The following CTIF variants were observed in gnomAD, a reference collection of about 807,000 sequenced individuals.
The protein encoded by CTIF is cap binding complex dependent translation initiation factor, also known as CBP80/20-dependent translation initiation factor.
Under a neutral mutation model 66.0 loss-of-function variants are expected in CTIF, and 21 were observed. That is an observed-to-expected ratio of 0.32 (90% CI 0.23 to 0.46). The LOEUF is 0.46. Among genes scored for constraint, CTIF ranks in the 20% least tolerant of loss-of-function variants. CTIF has a pLI of 1.00. For missense variants in CTIF, 739 were observed against 812.7 expected (o/e 0.91, Z 1.10); for synonymous variants, 345 against 326.4 (o/e 1.06, Z -0.62).
chr18:48,834,365 AT>A lies in CTIF; in HGVS notation c.1527+16996del, dbSNP rs565130413. On this transcript the variant is annotated intron_variant, in intron 10 of 11. Transcript: ENST00000256413. ...TGTATATGTCACAAAATATTCTTTG[AT>A]TTTTTTCCCCAACTACTGAAAAATG... is the stretch of plus-strand genomic sequence containing the variant. Among the ~76,000 whole-genome samples the A allele has an allele frequency of 9.9e-5, 15 of 152,250 alleles. No individual in the cohort carries two copies. The Middle Eastern group carries it at 0.017, about 173-fold the overall frequency.
chr18:48,813,124 C>T (rs1229405995), intron 9 of CTIF, among the ~76,000 whole-genome samples: 1 of 152,256 alleles, frequency 6.6e-6, no homozygotes, highest in East Asian at 1.9e-4. Context: ...CCATTCTATC[C>T]TTTACTGCCT....
chr18:48,758,497 T>A, intron 8 of CTIF, 92 bp downstream of exon 8: 1 of 1,467,362 alleles, frequency 6.8e-7, no homozygotes, highest in Non-Finnish European at 9.1e-7. Context: ...CAGAGCCTTG[T>A]GGGTTTGAGG....
chr18:48,747,754 A>T (rs375904260), intron 7 of CTIF, among the ~76,000 whole-genome samples: 2,863 of 145,628 alleles, frequency 0.02, 94 homozygotes, highest in African/African-American at 0.07. Context: ...CAAAAATTAA[A>T]AAAAAAAAAA....
chr18:48,828,994 T>C (rs1179406902), intron 10 of CTIF, among the ~76,000 whole-genome samples: 1 of 152,218 alleles, frequency 6.6e-6, no homozygotes, highest in Non-Finnish European at 1.5e-5. Context: ...GGGTAATTAA[T>C]GTCTGAACTT....
At chr18:48,573,444 C>T (rs999287310) in intron 1 of CTIF, among the ~76,000 whole-genome samples, 1 of 152,328 alleles carries the variant, frequency 6.6e-6, no homozygotes, top group African/African-American at 2.4e-5. Flanking sequence ...ACACTTGGCT[C>T]ATTGTCTGTT....
At chr18:48,830,243 C>T (rs1477457713) in intron 10 of CTIF, among the ~76,000 whole-genome samples, 1 of 152,224 alleles carries the variant, frequency 6.6e-6, no homozygotes, top group African/African-American at 2.4e-5. Context: ...TGGCTCACTA[C>T]AACCTCCGCC....
chr18:48,718,870 C>T (rs2092307029), intron 7 of CTIF, among the ~76,000 whole-genome samples: 2 of 152,154 alleles, frequency 1.3e-5, no homozygotes, highest in Non-Finnish European at 2.9e-5. Flanking sequence ...AATATCGCCC[C>T]ATTCCCGAGG....
In CTIF at chr18:48,761,406, AGAC is replaced by A. The variant is rs767134546; in HGVS notation, c.1092_1094del (p.Thr366del). 3 of 1,613,334 alleles carry A rather than the reference AGAC, an allele frequency of 1.9e-6. No individual in the cohort carries two copies. In the Admixed American group the frequency reaches 5.0e-5, roughly 27 times the overall value. ...CACCCCCAGGATGAAGTGGCCGTGG[AGAC>A]GACCACTCCCCAGCAGAACAAGATG... On this transcript the variant is annotated inframe_deletion, in exon 9 of 12. Coordinates refer to ENST00000256413, the MANE Select transcript of CTIF (RefSeq NM_014772.3). The surrounding 1 kb of genome is among the most constrained non-coding windows in gnomAD (Gnocchi z 4.2).
intron 9 of CTIF, among the ~76,000 whole-genome samples, chr18:48,772,569 A>G (rs28709065): frequency 0.092 from 14,067 of 152,130 alleles, 724 homozygotes; most frequent in Non-Finnish European, 0.12. Flanking sequence ...CACTCTACAA[A>G]TAGCACACAT....
intron 1 of CTIF, among the ~76,000 whole-genome samples, chr18:48,614,516 TACG>T (rs59021121): frequency 0.088 from 13,373 of 152,246 alleles, 720 homozygotes; most frequent in African/African-American, 0.14. Flanking sequence ...ACTATTGTGA[TACG>T]ATGTCTTATT....
chr18:48,722,667 A>G (rs1029366663), intron 7 of CTIF, among the ~76,000 whole-genome samples: 4 of 147,038 alleles, frequency 2.7e-5, no homozygotes, highest in South Asian at 2.2e-4. Context: ...CGTACCCATC[A>G]GCGCTCACAG....
rs574329596 is a variant in CTIF, at chr18:48,822,756, G to A, written c.1527+5380G>A. Among the ~76,000 whole-genome samples the A allele has an allele frequency of 2.6e-5, 4 of 152,246 alleles. No individual in the cohort carries two copies. The East Asian group carries it at 7.7e-4, about 29-fold the overall frequency. On this transcript the variant is annotated intron_variant, in intron 10 of 11. Transcript: ENST00000256413. ...CTCCATTTTGTTTTCCACAGCAGAT[G>A]CACCATTTTGCATTTCTACCAACAG... is the stretch of plus-strand genomic sequence containing the variant.
intron 7 of CTIF, among the ~76,000 whole-genome samples, chr18:48,737,564 A>C (rs1175424875): frequency 6.6e-6 from 1 of 152,234 alleles, no homozygotes; most frequent in Non-Finnish European, 1.5e-5. Context: ...AAAAAAGGTC[A>C]TTCCTAAAAA....
At chr18:48,692,219 A>G (rs1307100845) in intron 6 of CTIF, among the ~76,000 whole-genome samples, 19 of 152,150 alleles carry the variant, frequency 1.2e-4, no homozygotes, top group Admixed American at 1.1e-3. Context: ...GCTCAACTCA[A>G]CTGGGAATCC....
chr18:48,834,488 G>A (rs1291195194), intron 10 of CTIF, among the ~76,000 whole-genome samples: 1 of 152,226 alleles, frequency 6.6e-6, no homozygotes, highest in East Asian at 1.9e-4. Context: ...CCGCTGTGTG[G>A]TTCTCAAGTG....
intron 3 of CTIF, among the ~76,000 whole-genome samples, chr18:48,649,111 T>C (rs755421164): frequency 5.3e-5 from 8 of 152,310 alleles, no homozygotes; most frequent in Non-Finnish European, 5.9e-5. Flanking sequence ...GGTTGGACAG[T>C]GGACGCAGCC....
intron 1 of CTIF, among the ~76,000 whole-genome samples, chr18:48,551,752 AG>A (rs1273022954): frequency 2.0e-5 from 3 of 151,660 alleles, no homozygotes; most frequent in Non-Finnish European, 4.4e-5. Context: ...GGGATTGAAC[AG>A]GTGGTCTTTC....
At chr18:48,851,622 C>G (rs1382954613) in intron 10 of CTIF, among the ~76,000 whole-genome samples, 1 of 152,140 alleles carries the variant, frequency 6.6e-6, no homozygotes, top group Non-Finnish European at 1.5e-5. Context: ...CCCTGAGAAG[C>G]TAGTCTCAGG....
At chr18:48,630,140 G>A (rs1356675694) in intron 2 of CTIF, among the ~76,000 whole-genome samples, 4 of 152,130 alleles carry the variant, frequency 2.6e-5, no homozygotes, top group Admixed American at 6.5e-5. Flanking sequence ...CCTTTGTCCA[G>A]CGTTTCTAGG....
Sources: gnomAD v4.1 joint callset for allele counts (sites outside exome capture counted in the v4.1 genomes callset) on GRCh38, gnomAD v4.1.1 for gene constraint, Gnocchi (gnomAD v3.1) non-coding constraint, MANE v1.5 for transcripts, NCBI Gene and HGNC (gene_info 2026-07-23, HGNC 2026-07-21) for gene names.